Variants in THSD4 observed in about 807,000 individuals in gnomAD.
THSD4 encodes the protein thrombospondin type 1 domain containing 4.
A neutral mutation model predicts 119.0 loss-of-function variants in THSD4; 69 were observed. That is an observed-to-expected ratio of 0.58 (90% CI 0.48 to 0.71). The LOEUF is 0.71. THSD4 is among the 30% of genes least tolerant of loss of function. The probability of loss-of-function intolerance (pLI) is 0.00; values close to 1 mark genes in which losing one functional copy is unlikely to be tolerated. For synonymous variants in THSD4, 524 were observed against 540.4 expected, an observed-to-expected ratio of 0.97 and a Z score of 0.42; for missense variants, 1,393 against 1,391.1, an observed-to-expected ratio of 1.00 and a Z score of -0.02.
chr15:71,493,762 C>A lies in THSD4; in HGVS notation c.1152+81939C>A, dbSNP rs554306096. On this transcript the variant is annotated intron_variant, in intron 7 of 17. Coordinates refer to ENST00000261862, the MANE Select transcript of THSD4 (RefSeq NM_024817.3). ...TGGGCTCACACTATTTCTTGCCACT[C>A]CGCTAGACACTTCATACCCGGTCTG... is the stretch of plus-strand genomic sequence containing the variant. Among the ~76,000 whole-genome samples the A allele has an allele frequency of 3.3e-5, 5 of 152,376 alleles. No individual in the cohort carries two copies. The South Asian group carries it at 1.0e-3, about 32-fold the overall frequency.
chr15:71,457,182 G>A (rs762665238), intron 7 of THSD4, among the ~76,000 whole-genome samples: 2 of 152,062 alleles, frequency 1.3e-5, no homozygotes, highest in Non-Finnish European at 2.9e-5. Flanking sequence ...AGGAGTTCAA[G>A]ACCAGCCTGG....
chr15:71,285,803 G>C (rs992590000), intron 6 of THSD4, among the ~76,000 whole-genome samples: 1 of 124,516 alleles, frequency 8.0e-6, no homozygotes, highest in East Asian at 2.5e-4. Context: ...GCAGTGAGCC[G>C]AAATTGTGCT....
At chr15:71,369,862 T>C (rs1205700368) in intron 6 of THSD4, among the ~76,000 whole-genome samples, 1 of 152,166 alleles carries the variant, frequency 6.6e-6, no homozygotes, top group Non-Finnish European at 1.5e-5. Context: ...ATGGTACCAG[T>C]TCCTCCTTGT....
chr15:71,177,813 T>G (rs1457595943), intron 3 of THSD4, among the ~76,000 whole-genome samples: 3 of 149,192 alleles, frequency 2.0e-5, no homozygotes, highest in Non-Finnish European at 4.4e-5. Context: ...GCTTCATCCC[T>G]GGGATGCAAG....
intron 7 of THSD4, among the ~76,000 whole-genome samples, chr15:71,628,340 A>G (rs1319911974): frequency 6.6e-6 from 1 of 152,206 alleles, no homozygotes; most frequent in African/African-American, 2.4e-5. Context: ...GGATAGTTTT[A>G]TGTTCACACT....
intron 4 of THSD4, among the ~76,000 whole-genome samples, chr15:71,221,060 C>T (rs1421599742): frequency 3.3e-5 from 5 of 152,170 alleles, no homozygotes; most frequent in African/African-American, 9.6e-5. Context: ...GGGGAAGGGG[C>T]GAGTAGGGAA....
intron 6 of THSD4, chr15:71,341,309 C>T (rs769380018): frequency 1.6e-5 from 25 of 1,601,602 alleles, no homozygotes; most frequent in Admixed American, 5.0e-5. Context: ...TGGGTTAATC[C>T]GACCATGAGC....
chr15:71,694,819 A>G (rs1310106508), intron 8 of THSD4, among the ~76,000 whole-genome samples: 2 of 151,946 alleles, frequency 1.3e-5, no homozygotes, highest in East Asian at 1.9e-4. Flanking sequence ...AGACCACCAC[A>G]CTAGACCCCA....
At chr15:71,109,811 A>G (rs531489104) in intron 1 of THSD4, among the ~76,000 whole-genome samples, 15 of 151,878 alleles carry the variant, frequency 9.9e-5, no homozygotes, top group Middle Eastern at 7.0e-3. Flanking sequence ...AGCACATAGT[A>G]GGTGGTCTGT....
intron 1 of THSD4, among the ~76,000 whole-genome samples, chr15:71,134,163 C>T (rs1484744619): frequency 1.3e-5 from 2 of 152,180 alleles, no homozygotes; most frequent in Non-Finnish European, 2.9e-5. Context: ...AGGACAGCCT[C>T]TGTGAGGTGG....
chr15:71,349,030 T>A (rs2045707265), intron 6 of THSD4, among the ~76,000 whole-genome samples: 1 of 152,234 alleles, frequency 6.6e-6, no homozygotes, highest in South Asian at 2.1e-4. Flanking sequence ...GGGCCATCCT[T>A]CCTATCTGTG....
At chr15:71,511,764 G>A (rs1367181990) in intron 7 of THSD4, among the ~76,000 whole-genome samples, 1 of 152,052 alleles carries the variant, frequency 6.6e-6, no homozygotes, top group African/African-American at 2.4e-5. Context: ...AGATGCCAGC[G>A]CACCTGGGCT....
At chr15:71,453,244 T>C (rs2047291224) in intron 7 of THSD4, among the ~76,000 whole-genome samples, 1 of 152,200 alleles carries the variant, frequency 6.6e-6, no homozygotes, top group African/African-American at 2.4e-5. Context: ...GGCAAGACAT[T>C]GCCTCATGCC....
chr15:71,139,918 G>A (rs1047391995), intron 1 of THSD4, among the ~76,000 whole-genome samples: 1 of 152,236 alleles, frequency 6.6e-6, no homozygotes, highest in Non-Finnish European at 1.5e-5. Context: ...GCCATGTTCT[G>A]TTTTATTCTC....
At chr15:71,348,586 T>A (rs1246715407) in intron 6 of THSD4, 1 of 152,228 alleles carries the variant, frequency 6.6e-6, no homozygotes, top group East Asian at 1.9e-4. Flanking sequence ...CTTAGTTGTG[T>A]TCAGAGCCCG....
At chr15:71,594,860 T>C (rs1220719247) in intron 7 of THSD4, among the ~76,000 whole-genome samples, 2 of 152,028 alleles carry the variant, frequency 1.3e-5, no homozygotes, top group Non-Finnish European at 2.9e-5. Context: ...TACAAGGAGC[T>C]CGGGAGCGGA....
intron 3 of THSD4, among the ~76,000 whole-genome samples, chr15:71,199,243 T>C (rs1010371177): frequency 2.0e-5 from 3 of 152,182 alleles, no homozygotes; most frequent in African/African-American, 7.2e-5. Context: ...CCTTTCCTCC[T>C]TTCAGTTTCC....
intron 6 of THSD4, among the ~76,000 whole-genome samples, chr15:71,382,772 T>C (rs141789414): frequency 0.013 from 2,034 of 152,338 alleles, 16 homozygotes; most frequent in Non-Finnish European, 0.022. Flanking sequence ...TAGAAATGTA[T>C]TTTCTCATAA....
chr15:71,275,836 AC>A (rs1212257823), intron 6 of THSD4, among the ~76,000 whole-genome samples: 1 of 152,074 alleles, frequency 6.6e-6, no homozygotes, highest in African/African-American at 2.4e-5. Flanking sequence ...CCTTACTGCC[AC>A]CGTGTGAGGA....
Sources: allele counts gnomAD v4.1 joint callset (sites outside exome capture counted in the v4.1 genomes callset), GRCh38; gene constraint gnomAD v4.1.1; transcripts MANE v1.5; gene names NCBI Gene and HGNC (gene_info 2026-07-23, HGNC 2026-07-21).